Variants in NIPSNAP2 observed in about 807,000 individuals in gnomAD.
The protein encoded by NIPSNAP2 is protein NipSnap homolog 2.
Under a neutral mutation model 48.4 loss-of-function variants are expected in NIPSNAP2, and 42 were observed. The ratio of observed to expected loss-of-function variants is 0.87; its 90% CI spans 0.68 to 1.12. The LOEUF is 1.12. Ranked by LOEUF, NIPSNAP2 falls within the 50% of genes most tolerant of loss-of-function variation. The pLI is 0.00. For missense variants in NIPSNAP2, 314 were observed against 347.3 expected (o/e 0.90, Z 0.76); for synonymous variants, 158 against 126.6 (o/e 1.25, Z -1.67).
chr7:55,979,731 A>C, intron 3 of NIPSNAP2: 1 of 453,072 alleles, frequency 2.2e-6, no homozygotes. Flanking sequence ...TTTTTTCATC[A>C]CGTTTTTTCT....
At chr7:55,970,271 A>G (rs1786992888) in intron 1 of NIPSNAP2, among the ~76,000 whole-genome samples, 2 of 150,436 alleles carry the variant, frequency 1.3e-5, no homozygotes, top group Admixed American at 6.6e-5. Flanking sequence ...TGCTGCAGCC[A>G]TATACCACGC....
chr7:55,997,714 C>T (rs775219667), intron 9 of NIPSNAP2, among the ~76,000 whole-genome samples: 4 of 152,180 alleles, frequency 2.6e-5, no homozygotes, highest in Non-Finnish European at 5.9e-5. Flanking sequence ...ACATCATTAC[C>T]TGTTTTTGTA....
chr7:55,976,150 C>G (rs529495050), intron 1 of NIPSNAP2, among the ~76,000 whole-genome samples: 2 of 151,986 alleles, frequency 1.3e-5, no homozygotes, highest in Non-Finnish European at 2.9e-5. Flanking sequence ...CAGTCATGTT[C>G]CCCAGATGTC....
rs747839920 is a variant in NIPSNAP2, at chr7:55,994,899, G to C, written c.623G>C (p.Arg208Pro). The change falls in exon 8 of 10, where the codon CGT becomes CCT. Residue 208 changes from arginine to proline, a missense_variant. By Grantham distance (103) the Arg-to-Pro change is moderately radical. Coordinates refer to ENST00000322090, the MANE Select transcript of NIPSNAP2 (RefSeq NM_001483.3). Reference protein sequence around the residue: ...TMIEWGNYWARAIRFRQDGNE... With the variant: ...TMIEWGNYWAPAIRFRQDGNE... ...ACATCATCTCATTCTTACAGGGCTC[G>C]TGCAATCCGCTTCAGACAGGATGGT... 1 of 1,613,956 alleles carries C rather than the reference G, an allele frequency of 6.2e-7. No homozygotes were observed. Among genetic ancestry groups the C allele is most frequent in the East Asian group, 2.2e-5 (1 of 44,876 alleles).
intron 1 of NIPSNAP2, among the ~76,000 whole-genome samples, chr7:55,974,841 C>CT (rs1410447416): frequency 6.9e-5 from 8 of 115,272 alleles, no homozygotes; most frequent in Admixed American, 2.1e-4. Context: ...GAGCGCGACT[C>CT]TGTCTTAAAA....
intron 1 of NIPSNAP2, among the ~76,000 whole-genome samples, chr7:55,969,246 G>A (rs533862909): frequency 6.6e-6 from 1 of 152,182 alleles, no homozygotes; most frequent in South Asian, 2.1e-4. Flanking sequence ...GGGTACTGGG[G>A]CTGGATGGAG....
At chr7:55,983,579 G>A in intron 5 of NIPSNAP2, 149 bp from the exon 6 acceptor site, 2 of 621,638 alleles carry the variant, frequency 3.2e-6, no homozygotes, top group Non-Finnish European at 5.4e-6. Context: ...GATTATGCAA[G>A]CTCAACAGAT....
At chr7:55,967,947 G>C (rs538235584) in intron 1 of NIPSNAP2, among the ~76,000 whole-genome samples, 116 of 151,736 alleles carry the variant, frequency 7.6e-4, no homozygotes, top group Non-Finnish European at 1.1e-3. Flanking sequence ...ACCACACCCG[G>C]CTGCTAATTT....
chr7:55,982,311 T>C (rs759145241), intron 5 of NIPSNAP2, 31 bp downstream of exon 5: 1 of 1,212,544 alleles, frequency 8.2e-7, no homozygotes, highest in South Asian at 1.2e-5. Flanking sequence ...TTACTTAGAC[T>C]AATGATATAT....
chr7:55,990,231 CTTTT>C (rs568097360), intron 7 of NIPSNAP2, among the ~76,000 whole-genome samples: 2 of 136,576 alleles, frequency 1.5e-5, no homozygotes, highest in African/African-American at 2.7e-5. Context: ...TGTTTCTTTT[CTTTT>C]TTTTTTTTTT....
rs370379070 is a variant in NIPSNAP2 at position 55,995,011 on chromosome 7, G to C, written c.712+23G>C. Reference sequence around the variant, plus strand: ...GGGGTATCTGTTTTTCCCTTTTCGAGTTACTGGGATTTAAGAGTTCATTAC... The same window carrying C: ...GGGGTATCTGTTTTTCCCTTTTCGACTTACTGGGATTTAAGAGTTCATTAC... On this transcript the variant is annotated intron_variant, in intron 8 of 9. Coordinates refer to ENST00000322090, the MANE Select transcript of NIPSNAP2 (RefSeq NM_001483.3). 5.7e-5 allele frequency: 90 copies of C among 1,587,918 alleles called. No individual in the cohort carries two copies. The African/African-American group carries it at 1.0e-3, about 18-fold the overall frequency.
At chr7:55,986,991 A>T (rs868345484) in intron 7 of NIPSNAP2, among the ~76,000 whole-genome samples, 5,764 of 146,648 alleles carry the variant, frequency 0.039, 207 homozygotes, top group Non-Finnish European at 0.054. Context: ...TATAAAAAAA[A>T]AAAAAAAAAA....
intron 1 of NIPSNAP2, among the ~76,000 whole-genome samples, chr7:55,967,616 A>G (rs1562760139): frequency 6.7e-6 from 1 of 149,972 alleles, no homozygotes; most frequent in Non-Finnish European, 1.5e-5. Flanking sequence ...ACAGGCCCAC[A>G]CCACCATGCC....
At chr7:55,965,093 C>G (rs1266252282) in intron 1 of NIPSNAP2, 3 of 152,992 alleles carry the variant, frequency 2.0e-5, no homozygotes, top group African/African-American at 7.2e-5. Flanking sequence ...TCGCCGGAGG[C>G]TGTTCCAAGC....
intron 1 of NIPSNAP2, among the ~76,000 whole-genome samples, chr7:55,968,479 G>A (rs907624478): frequency 2.6e-5 from 4 of 151,066 alleles, no homozygotes; most frequent in African/African-American, 7.3e-5. Flanking sequence ...TCTGCCTCCC[G>A]GGTTCAAGTG....
In NIPSNAP2 at chr7:55,970,901, T is replaced by G. The variant is rs551453492; in HGVS notation, c.92+6200T>G. 2.0e-5 allele frequency among the ~76,000 whole-genome samples: 3 copies of G among 152,268 alleles called. No individual in the cohort carries two copies. The East Asian group carries it at 5.8e-4, about 29-fold the overall frequency. ...CTCCCAGGCCAAGCTGATGGTGGGT[T>G]CACTTGAGCTCTTGCAGTGTATGTC... On this transcript the variant is annotated intron_variant, in intron 1 of 9. Coordinates refer to ENST00000322090, the MANE Select transcript of NIPSNAP2 (RefSeq NM_001483.3).
chr7:55,970,174 G>T (rs1466853754), intron 1 of NIPSNAP2, among the ~76,000 whole-genome samples: 1 of 151,930 alleles, frequency 6.6e-6, no homozygotes, highest in Non-Finnish European at 1.5e-5. Context: ...AGACCATCTA[G>T]TGAGTATTTA....
At chr7:55,975,686 T>C (rs1053933078) in intron 1 of NIPSNAP2, among the ~76,000 whole-genome samples, 6 of 152,140 alleles carry the variant, frequency 3.9e-5, no homozygotes, top group South Asian at 2.1e-4. Flanking sequence ...TGTACATAGA[T>C]GTGAAAAACC....
chr7:55,965,864 A>G (rs1393603964), intron 1 of NIPSNAP2, among the ~76,000 whole-genome samples: 1 of 152,168 alleles, frequency 6.6e-6, no homozygotes, highest in Non-Finnish European at 1.5e-5. Flanking sequence ...TACAGTCGTG[A>G]ATCACCAGGC....
Sources: gnomAD v4.1 joint callset for allele counts (sites outside exome capture counted in the v4.1 genomes callset) on GRCh38, gnomAD v4.1.1 for gene constraint, MANE v1.5 for transcripts, NCBI Gene and HGNC (gene_info 2026-07-23, HGNC 2026-07-21) for gene names.